The following TSC2 variants were observed in gnomAD, a reference collection of about 807,000 sequenced individuals.
TSC2 encodes tuberin.
TSC2 carries 29 observed loss-of-function variants against 202.2 expected under a neutral mutation model. That is an observed-to-expected ratio of 0.14 (90% confidence interval 0.11 to 0.20). The LOEUF (loss-of-function observed/expected upper bound fraction) is 0.20, where lower values mean the gene tolerates loss of function less well. Ranked by LOEUF, TSC2 falls within the 10% of genes least tolerant of loss-of-function variation. The probability of loss-of-function intolerance (pLI) is 1.00; values close to 1 mark genes in which losing one functional copy is unlikely to be tolerated. For missense variants in TSC2, 2,429 were observed against 2,420.0 expected (o/e 1.00, Z -0.08); for synonymous variants, 1,349 against 1,044.0 (o/e 1.29, Z -5.63).
chr16:2,058,693 G>A (rs2086211943), intron 9 of TSC2, 54 bp from the exon 10 acceptor site: 8 of 1,551,108 alleles, frequency 5.2e-6, no homozygotes, highest in African/African-American at 2.7e-5. Flanking sequence ...CATCCATGGC[G>A]GACCCTGGGA....
intron 11 of TSC2, chr16:2,061,400 C>T (rs1201369256): frequency 6.4e-6 from 2 of 312,466 alleles, no homozygotes; most frequent in Non-Finnish European, 1.3e-5. Context: ...GTCGCTGGGC[C>T]AGAGCATTGC....
chr16:2,053,334 G>T lies in TSC2; in HGVS notation c.226-8G>T. The T allele has an allele frequency of 6.4e-7, 1 of 1,572,962 alleles. No homozygotes were observed. The highest frequency in any genetic ancestry group is 1.2e-5 in the South Asian group (1 of 85,438). On this transcript the variant is annotated splice_region_variant and splice_polypyrimidine_tract_variant and intron_variant, in intron 3 of 41. Coordinates refer to ENST00000219476, the MANE Select transcript of TSC2 (RefSeq NM_000548.5). ...CATCCTCACCGCTGTCCCCTCTGCT[G>T]GTGACAGCACGCAGTGGAAGCACTC...
In TSC2 at chr16:2,065,498, G is replaced by C. The variant is rs137854149; in HGVS notation, c.1600-21G>C. 2.5e-6 allele frequency: 4 copies of C among 1,590,222 alleles called. No homozygotes were observed. The African/African-American group carries it at 5.4e-5, about 21-fold the overall frequency. On this transcript the variant is annotated intron_variant, in intron 15 of 41. Coordinates refer to ENST00000219476, the MANE Select transcript of TSC2 (RefSeq NM_000548.5). The stretch of plus-strand genomic sequence containing the variant: ...CTCAGAACCATGAGCCTGTGTGTAA[G>C]TCCTGGCCTTCTCTTCAAAGGTGAT...
chr16:2,081,432 T>G (rs1596398566), intron 30 of TSC2, 163 bp from the exon 31 acceptor site: 7 of 882,052 alleles, frequency 7.9e-6, no homozygotes, highest in Admixed American at 2.0e-5. Context: ...GGCAGCAGGG[T>G]GGGTGGCCGT....
chr16:2,056,910 C>A, intron 8 of TSC2, 141 bp downstream of exon 8: 1 of 1,482,456 alleles, frequency 6.7e-7, no homozygotes, highest in Non-Finnish European at 9.3e-7. Flanking sequence ...GTCATTTTCC[C>A]AGGCAGTTGA....
chr16:2,084,961 C>A lies in TSC2; in HGVS notation c.4504C>A (p.Leu1502Met), dbSNP rs928525608. ...CCCCTCCCTGTGCAGTTTCGTGTTCCTGCAGCTCTACCATTCCCCCTTCTT... is the reference window on the plus strand; with the variant it reads ...CCCCTCCCTGTGCAGTTTCGTGTTCATGCAGCTCTACCATTCCCCCTTCTT... ...VPGINPSFVF[L>M]QLYHSPFFGD... Residue 1502 changes from leucine (L) to methionine (M), a missense_variant, in exon 35 of 42, where the codon CTG becomes ATG. Leu to Met is a conservative substitution (Grantham distance 15). Transcript: ENST00000219476. 6.2e-7 allele frequency: 1 copy of A among 1,613,352 alleles called. No individual in the cohort carries two copies. Among genetic ancestry groups the A allele is most frequent in the African/African-American group, 1.3e-5 (1 of 75,062 alleles).
rs2088578578 is a variant in TSC2, at chr16:2,072,320, C to T, written c.2177C>T (p.Ser726Phe). The change falls in exon 20 of 42, where the codon TCC (serine) becomes TTC (phenylalanine). Residue 726 changes from serine (S) to phenylalanine (F), a missense_variant. Coordinates refer to ENST00000219476, the MANE Select transcript of TSC2 (RefSeq NM_000548.5). ...CGCTATAAAGTGCTCATCTTTACTT[C>T]CCCTTGCAGTGTGGACCAGCTGTGC... Reference protein sequence around the residue: ...SLRYKVLIFTSPCSVDQLCSA... With the variant: ...SLRYKVLIFTFPCSVDQLCSA... The T allele has an allele frequency of 1.9e-6, 3 of 1,614,170 alleles. No individual in the cohort carries two copies. Among genetic ancestry groups the T allele is most frequent in the Non-Finnish European group, 2.5e-6 (3 of 1,180,042 alleles).
rs535741990 is a variant in TSC2, at chr16:2,069,553, C to T, written c.1717-903C>T. On this transcript the variant is annotated intron_variant, in intron 16 of 41. Coordinates refer to ENST00000219476, the MANE Select transcript of TSC2 (RefSeq NM_000548.5). The stretch of plus-strand genomic sequence containing the variant: ...GGAGTGCAGTGGCACGATCTCGGCT[C>T]ACTGCAAGCTCTGCCTCCTGGGTTC... Among the ~76,000 whole-genome samples, 11 of 151,566 alleles carry T rather than the reference C, an allele frequency of 7.3e-5. 1 individual carries two copies. Among genetic ancestry groups the T allele is most frequent in the South Asian group, 6.2e-4 (3 of 4,804 alleles).
At chr16:2,060,633 G>C in intron 10 of TSC2, 37 bp from the exon 11 acceptor site, 3 of 1,613,696 alleles carry the variant, frequency 1.9e-6, no homozygotes, top group Non-Finnish European at 2.5e-6. Flanking sequence ...CAAGCAAGCA[G>C]CTCTGACCCT....
chr16:2,069,088 C>T (rs751285250), intron 16 of TSC2, among the ~76,000 whole-genome samples: 2 of 151,896 alleles, frequency 1.3e-5, no homozygotes, highest in South Asian at 2.1e-4. Flanking sequence ...TCGTGCTGTT[C>T]GAGGGTCAGA....
chr16:2,061,699 C>T, intron 11 of TSC2, 172 bp from the exon 12 acceptor site: 1 of 1,098,458 alleles, frequency 9.1e-7, no homozygotes, highest in Non-Finnish European at 1.3e-6. Context: ...GTGTCTCAAC[C>T]CATGAGGCCC....
At chr16:2,083,302 C>G (rs1195961283) in intron 32 of TSC2, 3 of 458,240 alleles carry the variant, frequency 6.5e-6, no homozygotes, top group Non-Finnish European at 1.3e-5. Context: ...AGGGACTTCC[C>G]CCACGTCACG....
intron 34 of TSC2, 60 bp downstream of exon 34, chr16:2,084,775 C>T: frequency 1.9e-6 from 3 of 1,598,492 alleles, no homozygotes; most frequent in South Asian, 1.1e-5. Flanking sequence ...CCTGGTGCCT[C>T]ACTTGCCCCA....
At position 2,084,938 on chromosome 16, in the gene TSC2, C is replaced by G; in HGVS notation, c.4494-13C>G. 6.2e-7 allele frequency: 1 copy of G among 1,613,260 alleles called. No homozygotes were observed. The highest frequency in any genetic ancestry group is 8.5e-7 in the Non-Finnish European group (1 of 1,179,966). On this transcript the variant is annotated splice_polypyrimidine_tract_variant and intron_variant, in intron 34 of 41. Coordinates refer to ENST00000219476, the MANE Select transcript of TSC2 (RefSeq NM_000548.5). ...GCCCTCACCTGGGTGCCCACCATCC[C>G]CTCCCTGTGCAGTTTCGTGTTCCTG...
At chr16:2,071,055 C>T (rs1156392068) in intron 17 of TSC2, among the ~76,000 whole-genome samples, 1 of 152,132 alleles carries the variant, frequency 6.6e-6, no homozygotes, top group African/African-American at 2.4e-5. Flanking sequence ...GATGTTGGCA[C>T]CAGGCTGAGC....
intron 16 of TSC2, 82 bp from the exon 17 acceptor site, chr16:2,070,374 C>T (rs572401293): frequency 5.3e-5 from 86 of 1,611,032 alleles, no homozygotes; most frequent in East Asian, 1.3e-4. Flanking sequence ...GCCGCCCCGG[C>T]CCCTGCTCCG....
At chr16:2,072,042 C>G (rs1026451621) in intron 19 of TSC2, 108 bp downstream of exon 19, 1 of 1,480,820 alleles carries the variant, frequency 6.8e-7, no homozygotes, top group Non-Finnish European at 9.0e-7. Flanking sequence ...GGAGGGCAGC[C>G]CTCCCTCAGA....
At chr16:2,064,576 G>A (rs1450404222) in intron 15 of TSC2, 149 bp downstream of exon 15, 1 of 1,180,972 alleles carries the variant, frequency 8.5e-7, no homozygotes, top group Non-Finnish European at 1.2e-6. Context: ...GGTGTCCCGA[G>A]GCCTGTGCAG....
rs2089954332 is a variant in TSC2 at position 2,080,183 on chromosome 16, T to C, written c.3416T>C (p.Val1139Ala). ...TCTTCAGGGGGCCATGGTCTTCGAG[T>C]TGGCGCCCTGGACGTGCCGGCCTCC... ...RSMSGGHGLR[V>A]GALDVPASQF... Residue 1139 changes from valine (V) to alanine (A), a missense_variant, in exon 30 of 42, where the codon GTT becomes GCT. Val to Ala is a moderately conservative substitution (Grantham distance 64, BLOSUM62 0). Coordinates refer to ENST00000219476, the MANE Select transcript of TSC2 (RefSeq NM_000548.5). The C allele has an allele frequency of 6.2e-7, 1 of 1,612,888 alleles. No individual in the cohort carries two copies. The highest frequency in any genetic ancestry group is 8.5e-7 in the Non-Finnish European group (1 of 1,179,966).
Sources: gnomAD v4.1 joint callset for allele counts (sites outside exome capture counted in the v4.1 genomes callset) on GRCh38, gnomAD v4.1.1 for gene constraint, MANE v1.5 for transcripts, NCBI Gene and HGNC (gene_info 2026-07-23, HGNC 2026-07-21) for gene names.